Variants in MAP7D2 observed in about 807,000 individuals in gnomAD.
MAP7D2 encodes the protein MAP7 domain containing 2.
MAP7D2 carries 33 observed loss-of-function variants against 63.5 expected under a neutral mutation model. The observed-to-expected ratio is 0.52, with a 90% CI of 0.39 to 0.70. The LOEUF (loss-of-function observed/expected upper bound fraction) is 0.70, where lower values mean the gene tolerates loss of function less well. Ranked by LOEUF, MAP7D2 falls within the 30% of genes least tolerant of loss-of-function variation. The probability of loss-of-function intolerance (pLI) is 0.00; values close to 1 mark genes in which losing one functional copy is unlikely to be tolerated. For missense variants in MAP7D2, 626 were observed against 604.0 expected, an observed-to-expected ratio of 1.04 and a Z score of -0.38; for synonymous variants, 224 against 223.7, an observed-to-expected ratio of 1.00 and a Z score of -0.01.
intron 1 of MAP7D2, among the ~76,000 whole-genome samples, chrX:20,100,396 G>A (rs1603405688): frequency 8.9e-6 from 1 of 111,734 alleles, no homozygotes; most frequent in African/African-American, 3.3e-5. Context: ...AAATGGTACA[G>A]CCATGTGGCT....
chrX:20,060,095 C>A (rs2065170900), intron 3 of MAP7D2, among the ~76,000 whole-genome samples: 2 of 109,662 alleles, frequency 1.8e-5, no homozygotes, highest in African/African-American at 6.7e-5. Context: ...TCTCTGCTCA[C>A]TGCAACCTCC....
intron 1 of MAP7D2, among the ~76,000 whole-genome samples, chrX:20,067,056 A>G (rs1435489488): frequency 2.7e-5 from 3 of 112,444 alleles, no homozygotes; most frequent in African/African-American, 9.7e-5. Context: ...AATAAGAATT[A>G]GTTCTGTGTG....
chrX:20,108,347 G>A (rs2066629115), intron 1 of MAP7D2, among the ~76,000 whole-genome samples: 1 of 109,336 alleles, frequency 9.1e-6, no homozygotes, highest in South Asian at 4.0e-4. Context: ...CGATTCTCGT[G>A]CCGCCGCTTC....
At chrX:20,087,676 A>G (rs992794993) in intron 1 of MAP7D2, among the ~76,000 whole-genome samples, 1 of 111,547 alleles carries the variant, frequency 9.0e-6, no homozygotes, top group Non-Finnish European at 1.9e-5. Flanking sequence ...ATCTAGCCTT[A>G]TTTTCAGAAA....
chrX:20,067,521 C>T (rs973450825), intron 1 of MAP7D2, among the ~76,000 whole-genome samples: 1 of 111,761 alleles, frequency 8.9e-6, no homozygotes, highest in African/African-American at 3.3e-5. Flanking sequence ...CTTTCTCAGC[C>T]CAACCACCCT....
At chrX:20,060,373 A>G (rs2065178010) in intron 3 of MAP7D2, among the ~76,000 whole-genome samples, 1 of 106,785 alleles carries the variant, frequency 9.4e-6, no homozygotes, top group Non-Finnish European at 1.9e-5. Flanking sequence ...AGCGGTCCTC[A>G]GCAGGGATGT....
chrX:20,018,858 C>T (rs1312271638), intron 10 of MAP7D2, among the ~76,000 whole-genome samples: 1 of 111,466 alleles, frequency 9.0e-6, no homozygotes, highest in East Asian at 2.8e-4. Context: ...CCAGGTCCCT[C>T]ACAATCCTCT....
chrX:20,063,439 C>A lies in MAP7D2; in HGVS notation c.347G>T (p.Arg116Met), dbSNP rs2065271804. The change falls in exon 3 of 17, where the codon AGG becomes ATG. Residue 116 changes from arginine (R) to methionine (M), a missense_variant. Transcript: ENST00000379643. ...CTCCTCCTCCCGGAGCTTCTGTTTC[C>A]TTTTCTCTTCCACAGCAGCTCTCTT... ...DQKRAAVEEK[R>M]KQKLREEEER... 9.9e-6 allele frequency: 12 copies of A among 1,210,072 alleles called. No homozygotes were observed. Among genetic ancestry groups the A allele is most frequent in the Non-Finnish European group, 1.3e-5 (12 of 895,175 alleles).
At chrX:20,021,836 T>C (rs1177993532) in intron 10 of MAP7D2, among the ~76,000 whole-genome samples, 1 of 112,145 alleles carries the variant, frequency 8.9e-6, no homozygotes, top group Non-Finnish European at 1.9e-5. Context: ...GACTGGCTTT[T>C]GCATGTCTGC....
At chrX:20,061,193 T>C (rs974957217) in intron 3 of MAP7D2, among the ~76,000 whole-genome samples, 13 of 106,144 alleles carry the variant, frequency 1.2e-4, no homozygotes, top group African/African-American at 3.8e-4. Context: ...AGCCAGGCAC[T>C]GAGCAGGCTG....
chrX:20,100,907 A>G (rs1235426047), intron 1 of MAP7D2, among the ~76,000 whole-genome samples: 1 of 109,927 alleles, frequency 9.1e-6, no homozygotes, highest in Non-Finnish European at 1.9e-5. Flanking sequence ...TGTAATTCCA[A>G]CCACTCAGGA....
intron 3 of MAP7D2, among the ~76,000 whole-genome samples, chrX:20,060,438 GAAAGAAAGAAAGAAAGAA>G (rs2065188248): frequency 4.9e-5 from 2 of 40,513 alleles, no homozygotes; most frequent in Non-Finnish European, 1.1e-4. Flanking sequence ...GAGAGAGAAA[GAAAGAAAGAAAGAAAGAA>G]AGAAAGAAAG....
At chrX:20,078,706 A>G (rs1416944632) in intron 1 of MAP7D2, among the ~76,000 whole-genome samples, 1 of 112,249 alleles carries the variant, frequency 8.9e-6, no homozygotes, top group African/African-American at 3.2e-5. Flanking sequence ...TGCCTAATAA[A>G]TATTAGCTAA....
chrX:20,024,050 C>G (rs1248632122), intron 10 of MAP7D2, among the ~76,000 whole-genome samples: 1 of 111,946 alleles, frequency 8.9e-6, no homozygotes, highest in Admixed American at 9.5e-5. Flanking sequence ...ATTTATTACT[C>G]TAAATTCGGT....
At chrX:20,010,134 T>C (rs775947495) in intron 16 of MAP7D2, among the ~76,000 whole-genome samples, 4 of 112,516 alleles carry the variant, frequency 3.6e-5, no homozygotes, top group Non-Finnish European at 7.5e-5. Context: ...GTGAGGTATA[T>C]GTAACTAAGT....
At chrX:20,095,956 C>G (rs1223092746) in intron 1 of MAP7D2, among the ~76,000 whole-genome samples, 1 of 107,747 alleles carries the variant, frequency 9.3e-6, no homozygotes, top group Non-Finnish European at 1.9e-5. Flanking sequence ...GTGGTGGGCA[C>G]CTGTAATCCC....
intron 1 of MAP7D2, among the ~76,000 whole-genome samples, chrX:20,083,555 C>T (rs2065830941): frequency 8.9e-6 from 1 of 112,477 alleles, no homozygotes; most frequent in Non-Finnish European, 1.9e-5. Context: ...CAGCAATATG[C>T]TGTTGCTATT....
intron 1 of MAP7D2, among the ~76,000 whole-genome samples, chrX:20,101,436 G>C (rs2066434168): frequency 1.8e-5 from 2 of 112,321 alleles, no homozygotes; most frequent in Non-Finnish European, 3.8e-5. Flanking sequence ...AAAATGCTTT[G>C]TGATGTATCA....
intron 1 of MAP7D2, among the ~76,000 whole-genome samples, chrX:20,094,048 A>G (rs753734902): frequency 3.6e-5 from 4 of 112,079 alleles, no homozygotes; most frequent in Non-Finnish European, 7.5e-5. Context: ...ATGGCTTGTA[A>G]TAACAAAAGC....
Sources: gnomAD v4.1 joint callset for allele counts (sites outside exome capture counted in the v4.1 genomes callset) on GRCh38, gnomAD v4.1.1 for gene constraint, MANE v1.5 for transcripts, NCBI Gene and HGNC (gene_info 2026-07-23, HGNC 2026-07-21) for gene names.